The following STARD6 variants were observed in gnomAD, a reference collection of about 807,000 sequenced individuals.
The protein encoded by STARD6 is stAR-related lipid transfer protein 6.
STARD6 carries 21 observed loss-of-function variants against 22.3 expected under a neutral mutation model. The ratio of observed to expected loss-of-function variants is 0.94; its 90% CI spans 0.67 to 1.35. The LOEUF (loss-of-function observed/expected upper bound fraction) is 1.35. Among genes scored for constraint, STARD6 ranks in the 40% most tolerant of loss-of-function variants. STARD6 has a pLI of 0.00. For missense variants in STARD6, 269 were observed against 266.9 expected (o/e 1.01, Z -0.05); for synonymous variants, 80 against 88.1 (o/e 0.91, Z 0.52).
chr18:54,342,294 A>G (rs2088976290), intron 4 of STARD6, among the ~76,000 whole-genome samples: 1 of 152,244 alleles, frequency 6.6e-6, no homozygotes. Flanking sequence ...AATCTGACCA[A>G]AAGTTTAAAG....
chr18:54,354,371 G>A, intron 3 of STARD6, 113 bp downstream of exon 3: 1 of 898,796 alleles, frequency 1.1e-6, no homozygotes, highest in Non-Finnish European at 1.7e-6. Flanking sequence ...TGGGACTATA[G>A]GTGCACACCA....
intron 6 of STARD6, 113 bp downstream of exon 6, chr18:54,331,629 A>C: frequency 1.3e-6 from 1 of 782,376 alleles, no homozygotes; most frequent in East Asian, 2.7e-5. Context: ...CCACTAAGTA[A>C]ATTTAAAAAG....
chr18:54,337,286 A>C, intron 4 of STARD6, 35 bp from the exon 5 acceptor site: 9 of 1,595,198 alleles, frequency 5.6e-6, no homozygotes, highest in Non-Finnish European at 7.7e-6. Context: ...TTCAAAGCTT[A>C]AAAAGTTTAG....
intron 4 of STARD6, among the ~76,000 whole-genome samples, chr18:54,344,055 C>T (rs1285384037): frequency 3.9e-4 from 18 of 46,034 alleles, no homozygotes; most frequent in East Asian, 5.6e-4. Flanking sequence ...GCCCGGCCAC[C>T]ACCCCGTCTG....
intron 5 of STARD6, among the ~76,000 whole-genome samples, chr18:54,334,779 AC>A (rs1401259419): frequency 6.6e-6 from 1 of 151,912 alleles, no homozygotes; most frequent in Admixed American, 6.6e-5. Flanking sequence ...ACTTATTCTT[AC>A]CAGTCCTAGC....
chr18:54,355,332 A>G (rs1231576030), intron 2 of STARD6, among the ~76,000 whole-genome samples: 3 of 152,178 alleles, frequency 2.0e-5, no homozygotes, highest in African/African-American at 7.2e-5. Context: ...TCAAGTTTAA[A>G]TCAACTCAAT....
chr18:54,325,192 T>A (rs558216392), intron 7 of STARD6, among the ~76,000 whole-genome samples: 5 of 152,246 alleles, frequency 3.3e-5, no homozygotes, highest in African/African-American at 1.2e-4. Flanking sequence ...CCAGAGATAA[T>A]CACTGTTTAC....
At chr18:54,346,687 G>A (rs1179235745) in intron 4 of STARD6, among the ~76,000 whole-genome samples, 1 of 151,948 alleles carries the variant, frequency 6.6e-6, no homozygotes, top group East Asian at 1.9e-4. Flanking sequence ...GATAAAATGT[G>A]GCATATCCGT....
intron 4 of STARD6, among the ~76,000 whole-genome samples, chr18:54,338,726 C>T (rs529970543): frequency 6.6e-6 from 1 of 151,710 alleles, no homozygotes; most frequent in Non-Finnish European, 1.5e-5. Context: ...TTTTAGGAGG[C>T]CTTATCATAT....
intron 5 of STARD6, among the ~76,000 whole-genome samples, chr18:54,334,937 T>C (rs1162632685): frequency 6.6e-6 from 1 of 152,174 alleles, no homozygotes; most frequent in Non-Finnish European, 1.5e-5. Context: ...GAGTTCACAA[T>C]AGTTGCTCAA....
chr18:54,350,550 CT>C (rs1201014992), intron 4 of STARD6, among the ~76,000 whole-genome samples: 5 of 152,140 alleles, frequency 3.3e-5, no homozygotes, highest in Non-Finnish European at 7.4e-5. Flanking sequence ...GTCATGAACT[CT>C]TTGCCTAAGC....
intron 4 of STARD6, among the ~76,000 whole-genome samples, chr18:54,351,507 C>T (rs376298650): frequency 3.9e-5 from 6 of 152,280 alleles, no homozygotes; most frequent in African/African-American, 1.4e-4. Flanking sequence ...TGAAAATGGG[C>T]ATCCTTTTCC....
chr18:54,354,104 C>T lies in STARD6; in HGVS notation c.91-1G>A. ...CCTTACTGGAAACAGTTATCTTTTT[C>T]TCAAAGGGGAATAAAAATCCACAAA... On this transcript the variant is annotated splice_acceptor_variant, in intron 3 of 7. Coordinates refer to ENST00000307844, the MANE Select transcript of STARD6 (RefSeq NM_139171.2). LOFTEE classifies it high-confidence loss of function. 6.5e-7 allele frequency: 1 copy of T among 1,548,820 alleles called. No homozygotes were observed. Among genetic ancestry groups the T allele is most frequent in the Non-Finnish European group, 8.7e-7 (1 of 1,143,600 alleles).
chr18:54,332,921 T>C (rs2088876795), intron 5 of STARD6, among the ~76,000 whole-genome samples: 1 of 151,838 alleles, frequency 6.6e-6, no homozygotes, highest in Non-Finnish European at 1.5e-5. Context: ...GAATAATAAT[T>C]ATAAAAATAA....
intron 7 of STARD6, among the ~76,000 whole-genome samples, chr18:54,325,934 C>A (rs573608106): frequency 6.6e-6 from 1 of 152,182 alleles, no homozygotes; most frequent in South Asian, 2.1e-4. Flanking sequence ...CCAAACTGCA[C>A]TCTAAGTGGT....
At chr18:54,334,263 T>C (rs2144671553) in intron 5 of STARD6, among the ~76,000 whole-genome samples, 1 of 152,302 alleles carries the variant, frequency 6.6e-6, no homozygotes, top group South Asian at 2.1e-4. Context: ...ATTACTCTCA[T>C]AGCCTCATAA....
chr18:54,346,050 C>T (rs2089030706), intron 4 of STARD6, among the ~76,000 whole-genome samples: 1 of 152,110 alleles, frequency 6.6e-6, no homozygotes, highest in African/African-American at 2.4e-5. Flanking sequence ...AGTAACACAA[C>T]AGAAGACGGA....
chr18:54,340,388 T>C (rs1369298294), intron 4 of STARD6, among the ~76,000 whole-genome samples: 2 of 151,944 alleles, frequency 1.3e-5, no homozygotes, highest in African/African-American at 4.8e-5. Flanking sequence ...TAGTTATCAC[T>C]AAGAAAATAA....
intron 4 of STARD6, among the ~76,000 whole-genome samples, chr18:54,351,294 T>G (rs1009111955): frequency 6.6e-6 from 1 of 152,222 alleles, no homozygotes; most frequent in Non-Finnish European, 1.5e-5. Flanking sequence ...TGTTGCTGCA[T>G]AGCAGTGCTA....
Sources: gnomAD v4.1 joint callset for allele counts (sites outside exome capture counted in the v4.1 genomes callset) on GRCh38, gnomAD v4.1.1 for gene constraint, MANE v1.5 for transcripts, NCBI Gene and HGNC (gene_info 2026-07-23, HGNC 2026-07-21) for gene names.